TTC21A: variants seen among roughly 807,000 people sequenced by gnomAD.
The protein encoded by TTC21A is tetratricopeptide repeat protein 21A.
In TTC21A, 128 loss-of-function variants were observed where a neutral mutation model predicts 156.4. That is an observed-to-expected ratio of 0.82 (90% CI 0.71 to 0.95). TTC21A has a LOEUF of 0.95. Among genes scored for constraint, TTC21A ranks in the 40% least tolerant of loss-of-function variants. TTC21A has a pLI of 0.00. For synonymous variants in TTC21A, 587 were observed against 617.1 expected, an observed-to-expected ratio of 0.95 and a Z score of 0.72; for missense variants, 1,435 against 1,602.3, an observed-to-expected ratio of 0.90 and a Z score of 1.78.
intron 9 of TTC21A, among the ~76,000 whole-genome samples, chr3:39,123,001 A>G (rs1344774492): frequency 6.6e-6 from 1 of 152,182 alleles, no homozygotes; most frequent in Non-Finnish European, 1.5e-5. Flanking sequence ...TAAATCTGCT[A>G]GCAGTCTGAA....
intron 12 of TTC21A, 85 bp downstream of exon 12, chr3:39,126,475 T>TACACACACAC (rs59925253): frequency 3.2e-4 from 167 of 520,540 alleles, no homozygotes; most frequent in African/African-American, 2.7e-3. Flanking sequence ...CCTAGGATAC[T>TACACACACAC]ACACACACAC....
In TTC21A at chr3:39,120,036, C is replaced by T. The variant is rs1312047607; in HGVS notation, c.900+16C>T. 6.4e-7 allele frequency: 1 copy of T among 1,556,972 alleles called. No individual in the cohort carries two copies. Among genetic ancestry groups the T allele is most frequent in the African/African-American group, 1.4e-5 (1 of 71,746 alleles). The stretch of plus-strand genomic sequence containing the variant: ...TAGCCGACTGGTAAGAAGGTTCTTT[C>T]CTGGTTCTGAAATGGTGCTTCTCCC... On this transcript the variant is annotated intron_variant, in intron 8 of 28. Transcript: ENST00000683103.
Position 39,134,079 on chromosome 3 carries a change from G to A in TTC21A, c.2752-139G>A, listed in dbSNP as rs1004888178. On this transcript the variant is annotated intron_variant, in intron 20 of 28. Coordinates refer to ENST00000683103, the MANE Select transcript of TTC21A (RefSeq NM_001366900.1). The surrounding 1 kb of genome is among the most constrained non-coding windows in gnomAD (Gnocchi z 4.6). ...CATGGGAGAAGGGGAAGGCCAGGAC[G>A]TTCACGTGGGGAATTCGAGACATAT... 28 of 699,208 alleles carry A rather than the reference G, an allele frequency of 4.0e-5. No homozygotes were observed. The highest frequency in any genetic ancestry group is 1.6e-4 in the South Asian group (10 of 61,928). 43.3% of individuals were successfully genotyped at this position (699,208 alleles called of 1,614,324 possible).
At position 39,112,558 on chromosome 3, in the gene TTC21A, A is replaced by G. The variant is rs1016277759; in HGVS notation, c.536A>G (p.Asp179Gly). ...YLEQGIQDTK[D>G]VLGLMGKAMY... ...GAACAAGGAATTCAGGACACCAAAG[A>G]TGTGCTGGGGCTGATGGGAAAGGTG... The change falls in exon 5 of 29, where the codon GAT (aspartate) becomes GGT (glycine). Residue 179 changes from aspartate (D) to glycine (G), a missense_variant. Transcript: ENST00000683103. 4 of 1,614,136 alleles carry G rather than the reference A, an allele frequency of 2.5e-6. No homozygotes were observed. Among genetic ancestry groups the G allele is most frequent in the Middle Eastern group, 1.7e-4 (1 of 6,058 alleles).
At chr3:39,132,814 G>C in intron 19 of TTC21A, 1 of 573,842 alleles carries the variant, frequency 1.7e-6, no homozygotes, top group South Asian at 2.1e-5. Context: ...AACAGGCTAA[G>C]TACAAAAGCG....
chr3:39,112,522 T>C lies in TTC21A; in HGVS notation c.500T>C (p.Ile167Thr). Reference sequence around the variant, plus strand: ...AAGCCCCACACTGCGAAGAAAGCCATTGAGTACCTGGAACAAGGAATTCAG... The same window carrying C: ...AAGCCCCACACTGCGAAGAAAGCCACTGAGTACCTGGAACAAGGAATTCAG... ...SDKPHTAKKA[I>T]EYLEQGIQDT... Residue 167 changes from isoleucine (I) to threonine (T), a missense_variant, in exon 5 of 29, where the codon ATT becomes ACT. Coordinates refer to ENST00000683103, the MANE Select transcript of TTC21A (RefSeq NM_001366900.1). 3.1e-6 allele frequency: 5 copies of C among 1,614,128 alleles called. No homozygotes were observed. The highest frequency in any genetic ancestry group is 1.3e-5 in the African/African-American group (1 of 75,022).
At chr3:39,111,266 G>T (rs904848732) in intron 4 of TTC21A, among the ~76,000 whole-genome samples, 2 of 152,162 alleles carry the variant, frequency 1.3e-5, no homozygotes, top group African/African-American at 4.8e-5. Flanking sequence ...ATATTCTTAA[G>T]AAATTTTTTT....
chr3:39,135,188 T>A lies in TTC21A; in HGVS notation c.2944+14T>A. On this transcript the variant is annotated intron_variant, in intron 22 of 28. Transcript: ENST00000683103. ...AGAAAGCGCCAGGTAATTCTGCCCA[T>A]GGAGACTGCCTGTACCAGTTCCCAC... 1 of 1,610,928 alleles carries A rather than the reference T, an allele frequency of 6.2e-7. No individual in the cohort carries two copies. The highest frequency in any genetic ancestry group is 8.5e-7 in the Non-Finnish European group (1 of 1,177,180).
At chr3:39,135,020 C>A in intron 21 of TTC21A, 73 bp from the exon 22 acceptor site, 240 of 1,076,072 alleles carry the variant, frequency 2.2e-4, no homozygotes, top group Non-Finnish European at 3.0e-4. Context: ...CACCCCCATA[C>A]CCCCCGCCTC....
Position 39,123,845 on chromosome 3 carries a change from C to T in TTC21A, c.1094-1218C>T, listed in dbSNP as rs1460270281. On this transcript the variant is annotated intron_variant, in intron 9 of 28. Coordinates refer to ENST00000683103, the MANE Select transcript of TTC21A (RefSeq NM_001366900.1). ...AATAAAACATAAAGAGAAAAAAAAT[C>T]ACCCCCCCCAAAAAAACCAGGCAGG... is the stretch of plus-strand genomic sequence containing the variant. 2.0e-5 allele frequency among the ~76,000 whole-genome samples: 3 copies of T among 151,762 alleles called. No homozygotes were observed. The East Asian group carries it at 5.8e-4, about 29-fold the overall frequency.
At chr3:39,115,078 A>C (rs1164611628) in intron 6 of TTC21A, among the ~76,000 whole-genome samples, 1 of 152,262 alleles carries the variant, frequency 6.6e-6, no homozygotes, top group Non-Finnish European at 1.5e-5. Flanking sequence ...GACTGGCAGG[A>C]GAATGAGACT....
chr3:39,110,789 T>A, intron 3 of TTC21A, 62 bp from the exon 4 acceptor site: 5 of 1,599,828 alleles, frequency 3.1e-6, no homozygotes, highest in Non-Finnish European at 4.3e-6. Flanking sequence ...CGGTGGCCCA[T>A]GCAGAACCAG....
At chr3:39,112,622 G>C in intron 5 of TTC21A, 42 bp downstream of exon 5, 1 of 1,608,114 alleles carries the variant, frequency 6.2e-7, no homozygotes, top group Non-Finnish European at 8.5e-7. Flanking sequence ...TTCCTGGCCA[G>C]GCCACTGGAA....
At position 39,111,013 on chromosome 3, in the gene TTC21A, G is replaced by C; in HGVS notation, c.431G>C (p.Arg144Thr). ...DRMLKISRGF[R>T]EAYVLRGWVD... ...ATGCTGAAGATTTCTAGAGGCTTCA[G>C]AGAGGTACTTACCACACCATGGGGA... is the stretch of plus-strand genomic sequence containing the variant. The change falls in exon 4 of 29, where the codon AGA becomes ACA. Residue 144 changes from arginine (R) to threonine (T), a missense_variant. Physicochemically the swap from Arg to Thr is moderately conservative, Grantham distance 71. Coordinates refer to ENST00000683103, the MANE Select transcript of TTC21A (RefSeq NM_001366900.1). 1 of 1,607,948 alleles carries C rather than the reference G, an allele frequency of 6.2e-7. No homozygotes were observed. The highest frequency in any genetic ancestry group is 8.5e-7 in the Non-Finnish European group (1 of 1,175,864).
intron 2 of TTC21A, among the ~76,000 whole-genome samples, 190 bp from the exon 3 acceptor site, chr3:39,109,839 C>T (rs1310230409): frequency 1.3e-5 from 2 of 152,250 alleles, no homozygotes; most frequent in African/African-American, 4.8e-5. Context: ...TTTCCAGCCC[C>T]TAACAGCCTG....
intron 2 of TTC21A, 127 bp downstream of exon 2, chr3:39,109,341 T>C (rs2036586051): frequency 9.1e-7 from 1 of 1,092,994 alleles, no homozygotes. Flanking sequence ...ACTCAGCGGC[T>C]GGATTCCCAC....
intron 22 of TTC21A, among the ~76,000 whole-genome samples, chr3:39,136,004 G>T (rs139583290): frequency 1.1e-4 from 17 of 151,186 alleles, no homozygotes; most frequent in African/African-American, 4.1e-4. Flanking sequence ...CTTGCAGTGA[G>T]CCGAGATCAC....
intron 7 of TTC21A, chr3:39,119,012 A>G (rs1426235872): frequency 6.6e-6 from 1 of 152,188 alleles, no homozygotes; most frequent in Non-Finnish European, 1.5e-5. Flanking sequence ...GAATAGGACT[A>G]TCCTCAGCTC....
chr3:39,122,597 T>C (rs2037864159), intron 9 of TTC21A, among the ~76,000 whole-genome samples: 1 of 151,908 alleles, frequency 6.6e-6, no homozygotes, highest in South Asian at 2.1e-4. Flanking sequence ...AGAGCGATAA[T>C]AGGAGGATTA....
Sources: allele counts gnomAD v4.1 joint callset (sites outside exome capture counted in the v4.1 genomes callset), GRCh38; gene constraint gnomAD v4.1.1; non-coding constraint Gnocchi (gnomAD v3.1); transcripts MANE v1.5; gene names NCBI Gene and HGNC (gene_info 2026-07-23, HGNC 2026-07-21).